METTL15: variants seen among roughly 807,000 people sequenced by gnomAD.
The protein encoded by METTL15 is methyltransferase 15, mitochondrial 12S rRNA N4-cytidine, also known as 12S rRNA N(4)-cytidine methyltransferase METTL15.
In METTL15, 34 loss-of-function variants were observed where a neutral mutation model predicts 38.3. The observed-to-expected ratio is 0.89, with a 90% CI of 0.68 to 1.18. The LOEUF (loss-of-function observed/expected upper bound fraction) is 1.18. Among genes scored for constraint, METTL15 ranks in the 50% most tolerant of loss-of-function variants. The pLI, the probability that METTL15 is intolerant of heterozygous loss-of-function variation, is 0.00. For missense variants in METTL15, 438 were observed against 498.4 expected (o/e 0.88, Z 1.15); for synonymous variants, 162 against 170.9 (o/e 0.95, Z 0.41).
chr11:28,443,767 T>C (rs900275332), intron 6 of METTL15, among the ~76,000 whole-genome samples: 1 of 152,162 alleles, frequency 6.6e-6, no homozygotes, highest in Admixed American at 6.5e-5. Flanking sequence ...TGAGAGTATG[T>C]AGAGAATCTG....
At chr11:28,157,203 T>C (rs1344894984) in intron 3 of METTL15, among the ~76,000 whole-genome samples, 1 of 152,204 alleles carries the variant, frequency 6.6e-6, no homozygotes, top group Non-Finnish European at 1.5e-5. Flanking sequence ...CAATGCTTTG[T>C]AGACCTATTT....
chr11:28,225,026 C>T (rs1378002802), intron 4 of METTL15, among the ~76,000 whole-genome samples: 2 of 151,588 alleles, frequency 1.3e-5, no homozygotes, highest in African/African-American at 4.8e-5. Flanking sequence ...AGTATTTAAA[C>T]ACTTTTTTAA....
At chr11:28,367,400 G>A (rs572351436) in intron 5 of METTL15, among the ~76,000 whole-genome samples, 1 of 152,238 alleles carries the variant, frequency 6.6e-6, no homozygotes, top group East Asian at 1.9e-4. Context: ...AGAATCTCTA[G>A]CCAGGCTGAT....
At chr11:28,494,986 A>G (rs930129069) in intron 6 of METTL15, among the ~76,000 whole-genome samples, 3 of 152,238 alleles carry the variant, frequency 2.0e-5, no homozygotes, top group Non-Finnish European at 4.4e-5. Flanking sequence ...ATGAATTCAT[A>G]TGTATAAAAC....
chr11:28,527,088 T>G (rs1453669662), downstream of METTL15: 2 of 152,230 alleles, frequency 1.3e-5, no homozygotes, highest in Non-Finnish European at 2.9e-5. Flanking sequence ...ACATTTTCAC[T>G]TGGTTGAATG....
chr11:28,309,551 C>T (rs950839427), intron 6 of METTL15, among the ~76,000 whole-genome samples: 3 of 152,128 alleles, frequency 2.0e-5, no homozygotes, highest in African/African-American at 4.8e-5. Context: ...GAGCATACCC[C>T]GCAACCCATG....
chr11:28,365,023 A>T (rs999431955), intron 5 of METTL15, among the ~76,000 whole-genome samples: 2 of 152,236 alleles, frequency 1.3e-5, no homozygotes, highest in East Asian at 3.8e-4. Context: ...CCAGAAATAA[A>T]GCCTACTTGA....
intron 3 of METTL15, among the ~76,000 whole-genome samples, chr11:28,187,822 G>C (rs1305350066): frequency 1.3e-5 from 2 of 150,630 alleles, no homozygotes; most frequent in Non-Finnish European, 3.0e-5. Flanking sequence ...ACAACAAAAA[G>C]TATTCTGTAA....
chr11:28,239,702 A>G (rs1363446651), intron 4 of METTL15, among the ~76,000 whole-genome samples: 1 of 152,128 alleles, frequency 6.6e-6, no homozygotes, highest in Non-Finnish European at 1.5e-5. Context: ...TTGCACCTCC[A>G]AGCCATTTCC....
chr11:28,301,003 C>G (rs1856894038), intron 6 of METTL15, among the ~76,000 whole-genome samples: 1 of 152,106 alleles, frequency 6.6e-6, no homozygotes, highest in Non-Finnish European at 1.5e-5. Flanking sequence ...CACATTTCAG[C>G]CTGAAGTTGC....
At chr11:28,221,015 T>C (rs1388269678) in intron 4 of METTL15, among the ~76,000 whole-genome samples, 2 of 152,212 alleles carry the variant, frequency 1.3e-5, no homozygotes, top group Non-Finnish European at 1.5e-5. Context: ...ATTTCAACTT[T>C]GGTGAATCTG....
intron 3 of METTL15, among the ~76,000 whole-genome samples, chr11:28,151,278 A>G (rs896116840): frequency 6.6e-6 from 1 of 151,912 alleles, no homozygotes; most frequent in Non-Finnish European, 1.5e-5. Flanking sequence ...CTTCTTTAAA[A>G]CATCATGTGC....
intron 6 of METTL15, among the ~76,000 whole-genome samples, chr11:28,318,172 T>C (rs1012304102): frequency 6.6e-6 from 1 of 152,210 alleles, no homozygotes; most frequent in African/African-American, 2.4e-5. Flanking sequence ...ATATTGTTTA[T>C]GATACGTCTT....
At chr11:28,329,223 A>G (rs1849738009) in intron 6 of METTL15, among the ~76,000 whole-genome samples, 9 of 152,022 alleles carry the variant, frequency 5.9e-5, no homozygotes, top group Admixed American at 5.9e-4. Flanking sequence ...TTCCCAATTG[A>G]ATGGTCTTGG....
intron 3 of METTL15, among the ~76,000 whole-genome samples, chr11:28,149,802 A>G (rs760351144): frequency 6.6e-6 from 1 of 151,968 alleles, no homozygotes; most frequent in Admixed American, 6.6e-5. Flanking sequence ...AAAAAGCACT[A>G]TAACAAAACA....
intron 3 of METTL15, among the ~76,000 whole-genome samples, chr11:28,347,614 T>C (rs1047464740): frequency 2.0e-5 from 3 of 152,202 alleles, no homozygotes; most frequent in Non-Finnish European, 4.4e-5. Flanking sequence ...TGTGTACTCA[T>C]TTTACTGTGC....
chr11:28,308,941 C>T, intron 6 of METTL15, among the ~76,000 whole-genome samples: 1 of 124,610 alleles, frequency 8.0e-6, no homozygotes. Flanking sequence ...GATAGGCAGG[C>T]AGGCATGGAT....
intron 5 of METTL15, among the ~76,000 whole-genome samples, chr11:28,382,900 C>G (rs1200372387): frequency 6.7e-6 from 1 of 149,854 alleles, no homozygotes; most frequent in Non-Finnish European, 1.5e-5. Flanking sequence ...TCTCTGTGGC[C>G]CTGGGTCCTG....
intron 3 of METTL15, among the ~76,000 whole-genome samples, chr11:28,196,864 A>G (rs2133812963): frequency 6.6e-6 from 1 of 152,108 alleles, no homozygotes; most frequent in African/African-American, 2.4e-5. Context: ...CAGGGTACCA[A>G]TATAGTTAAA....
Sources: allele counts gnomAD v4.1 joint callset (sites outside exome capture counted in the v4.1 genomes callset), GRCh38; gene constraint gnomAD v4.1.1; transcripts MANE v1.5; gene names NCBI Gene and HGNC (gene_info 2026-07-23, HGNC 2026-07-21).